Variants in LINGO2 observed in about 807,000 individuals in gnomAD.
LINGO2 encodes the protein leucine rich repeat and Ig domain containing 2.
A neutral mutation model predicts 30.6 loss-of-function variants in LINGO2; 14 were observed. The observed-to-expected ratio is 0.46, with a 90% CI of 0.30 to 0.72. The LOEUF (loss-of-function observed/expected upper bound fraction) is 0.72. Ranked by LOEUF, LINGO2 falls within the 30% of genes least tolerant of loss-of-function variation. LINGO2 has a pLI of 0.07. For synonymous variants in LINGO2, 317 were observed against 288.5 expected, an observed-to-expected ratio of 1.10 and a Z score of -1.00; for missense variants, 729 against 751.7, an observed-to-expected ratio of 0.97 and a Z score of 0.35.
At chr9:28,694,859 A>G in the LINGO2 span, among the ~76,000 whole-genome samples, 2 of 151,544 alleles carry the variant, frequency 1.3e-5, no homozygotes, top group East Asian at 3.9e-4. Flanking sequence ...AGACTTAAGT[A>G]TGTGTGTCAT....
chr9:28,080,209 T>A (rs909405890), intron 4 of LINGO2, among the ~76,000 whole-genome samples: 1 of 152,246 alleles, frequency 6.6e-6, no homozygotes, highest in Non-Finnish European at 1.5e-5. Context: ...CATGTTTTCT[T>A]ATGTCTTTGC....
At chr9:27,984,265 A>G (rs1279718046) in intron 5 of LINGO2, among the ~76,000 whole-genome samples, 1 of 151,856 alleles carries the variant, frequency 6.6e-6, no homozygotes, top group Admixed American at 6.6e-5. Context: ...GAGCCTTACA[A>G]CAACCATTGG....
At chr9:28,817,894 G>C in the LINGO2 span, among the ~76,000 whole-genome samples, 6 of 152,134 alleles carry the variant, frequency 3.9e-5, no homozygotes, top group Non-Finnish European at 8.8e-5. Context: ...GTTGACTGTT[G>C]ATCTCTTTAT....
In LINGO2 at chr9:28,080,134, T is replaced by C. The variant is rs187651242; in HGVS notation, c.-86-67729A>G. 4.4e-4 allele frequency among the ~76,000 whole-genome samples: 67 copies of C among 152,362 alleles called. 1 individual carries two copies. The highest frequency in any genetic ancestry group is 1.6e-3 in the African/African-American group (66 of 41,582). On this transcript the variant is annotated intron_variant, in intron 4 of 5. Transcript: ENST00000379992. ...AAGGCTTTCTATCTGATTCTCTGAT[T>C]TCACTTATGCCTCCCATGGGACATG...
chr9:28,707,223 C>T, the LINGO2 span, among the ~76,000 whole-genome samples: 2 of 152,096 alleles, frequency 1.3e-5, no homozygotes, highest in Non-Finnish European at 1.5e-5. Context: ...GAAATCATTA[C>T]ATCTTCCAGA....
intron 4 of LINGO2, among the ~76,000 whole-genome samples, chr9:28,052,615 TTA>T (rs1424528023): frequency 6.6e-6 from 1 of 152,086 alleles, no homozygotes; most frequent in Non-Finnish European, 1.5e-5. Context: ...TCATATAAAC[TTA>T]TGTCATGGGT....
the LINGO2 span, among the ~76,000 whole-genome samples, chr9:28,690,573 CATGAATAG>C: frequency 2.7e-4 from 41 of 152,132 alleles, 1 homozygote; most frequent in Non-Finnish European, 3.2e-4. Context: ...ACTTTCCATT[CATGAATAG>C]TTTCTAGAAT....
At chr9:28,153,306 G>T (rs1184890118) in intron 4 of LINGO2, among the ~76,000 whole-genome samples, 3 of 152,106 alleles carry the variant, frequency 2.0e-5, no homozygotes, top group Admixed American at 1.3e-4. Context: ...ATTGGAAATT[G>T]CCTGAATCCC....
the LINGO2 span, among the ~76,000 whole-genome samples, chr9:28,779,313 T>C: frequency 6.6e-6 from 1 of 152,152 alleles, no homozygotes; most frequent in Non-Finnish European, 1.5e-5. Context: ...ATAATTTAGG[T>C]ATTTGGGGAC....
chr9:28,050,721 G>C (rs747480774), intron 4 of LINGO2, among the ~76,000 whole-genome samples: 16 of 150,914 alleles, frequency 1.1e-4, no homozygotes, highest in Non-Finnish European at 2.2e-4. Context: ...TCCACTGTAA[G>C]TGCTAAACAC....
chr9:28,251,084 T>G (rs1822182949), intron 4 of LINGO2, among the ~76,000 whole-genome samples: 1 of 152,134 alleles, frequency 6.6e-6, no homozygotes, highest in Admixed American at 6.6e-5. Context: ...TTCCTTAATG[T>G]AAAATGGAAA....
the LINGO2 span, among the ~76,000 whole-genome samples, chr9:28,711,132 G>A: frequency 6.6e-6 from 1 of 152,014 alleles, no homozygotes; most frequent in African/African-American, 2.4e-5. Context: ...GTAAAAAAAT[G>A]TATTTATTAA....
At chr9:28,046,035 G>A (rs914259048) in intron 4 of LINGO2, among the ~76,000 whole-genome samples, 6 of 152,074 alleles carry the variant, frequency 3.9e-5, no homozygotes, top group Admixed American at 3.3e-4. Flanking sequence ...CTCCACTAGT[G>A]GACATAGCTT....
the LINGO2 span, among the ~76,000 whole-genome samples, chr9:28,774,605 A>G: frequency 6.6e-6 from 1 of 152,002 alleles, no homozygotes; most frequent in Admixed American, 6.6e-5. Context: ...AAAAAAAAGC[A>G]GAGCAATTAA....
the LINGO2 span, among the ~76,000 whole-genome samples, chr9:28,679,338 A>G: frequency 6.6e-6 from 1 of 152,142 alleles, no homozygotes; most frequent in Non-Finnish European, 1.5e-5. Context: ...CACATGATTT[A>G]TCTTCTAATC....
At chr9:28,882,124 A>G in the LINGO2 span, among the ~76,000 whole-genome samples, 9 of 152,222 alleles carry the variant, frequency 5.9e-5, no homozygotes, top group Admixed American at 4.6e-4. Flanking sequence ...AGTAAATTCA[A>G]TTCCCAAAAT....
intron 2 of LINGO2, among the ~76,000 whole-genome samples, chr9:28,386,449 T>A (rs1821584199): frequency 6.6e-6 from 1 of 152,130 alleles, no homozygotes; most frequent in Admixed American, 6.6e-5. Context: ...ACATTTTAAA[T>A]AATGATGAAG....
chr9:28,673,961 A>G (rs1048398389), upstream of LINGO2, among the ~76,000 whole-genome samples: 5 of 146,092 alleles, frequency 3.4e-5, no homozygotes, highest in Non-Finnish European at 7.5e-5. Flanking sequence ...AAGAAAAAAT[A>G]AAAAAAAAAT....
At chr9:28,745,523 T>C in the LINGO2 span, among the ~76,000 whole-genome samples, 1 of 152,102 alleles carries the variant, frequency 6.6e-6, no homozygotes, top group Non-Finnish European at 1.5e-5. Flanking sequence ...AGTTTGTTCT[T>C]AGGAAAATTC....
Sources: allele counts gnomAD v4.1 joint callset (sites outside exome capture counted in the v4.1 genomes callset), GRCh38; gene constraint gnomAD v4.1.1; transcripts MANE v1.5; gene names NCBI Gene and HGNC (gene_info 2026-07-23, HGNC 2026-07-21).